STAG2: variants seen among roughly 807,000 people sequenced by gnomAD.
STAG2 encodes the protein cohesin subunit SA-2.
In STAG2, 14 loss-of-function variants were observed where a neutral mutation model predicts 108.1. The observed-to-expected ratio is 0.13, with a 90% CI of 0.09 to 0.20. The LOEUF is 0.20. Ranked by LOEUF, STAG2 falls within the 10% of genes least tolerant of loss-of-function variation. STAG2 has a pLI of 1.00. For synonymous variants in STAG2, 307 were observed against 302.7 expected (o/e 1.01, Z -0.15); for missense variants, 440 against 940.9 (o/e 0.47, Z 6.96).
chrX:123,972,632 G>A lies in STAG2; in HGVS notation c.-163+10776G>A, dbSNP rs140268997. Among the ~76,000 whole-genome samples the A allele has an allele frequency of 2.0e-3, 221 of 109,795 alleles. 1 individual carries two copies. Among genetic ancestry groups the A allele is most frequent in the African/African-American group, 6.8e-3 (207 of 30,291 alleles). On this transcript the variant is annotated intron_variant, in intron 1 of 34. Transcript: ENST00000371145. ...TTATGAGACAAGATATAGCTTGAAGGGGGACTGCATTTCTCACCAGATGAA... is the reference window on the plus strand; with the variant it reads ...TTATGAGACAAGATATAGCTTGAAGAGGGACTGCATTTCTCACCAGATGAA...
rs2058530428 is a variant in STAG2, at chrX:124,066,381, C to T, written c.2210C>T (p.Thr737Ile). 8.3e-7 allele frequency: 1 copy of T among 1,206,072 alleles called. No individual in the cohort carries two copies. The highest frequency in any genetic ancestry group is 2.2e-5 in the Admixed American group (1 of 45,493). ...EQIVIHALQC[T>I]HYVILWQLAK... The stretch of plus-strand genomic sequence containing the variant: ...ATTGTTATTCACGCACTGCAGTGTA[C>T]TCACTATGTAATCCTTTGGCAACTT... The change falls in exon 23 of 35, where the codon ACT (threonine) becomes ATT (isoleucine). Residue 737 changes from threonine to isoleucine, a missense_variant. Physicochemically the swap from Thr to Ile is moderately conservative, Grantham distance 89. Coordinates refer to ENST00000371145, the MANE Select transcript of STAG2 (RefSeq NM_001042750.2).
intron 1 of STAG2, among the ~76,000 whole-genome samples, chrX:124,020,400 C>T (rs1396726914): frequency 8.9e-6 from 1 of 112,089 alleles, no homozygotes; most frequent in African/African-American, 3.2e-5. Context: ...ATGACCTGAC[C>T]TGTTCATTAG....
At chrX:124,078,180 A>G (rs2058848373) in intron 27 of STAG2, 122 bp downstream of exon 27, 2 of 497,110 alleles carry the variant, frequency 4.0e-6, no homozygotes, top group African/African-American at 2.5e-5. Flanking sequence ...GAAATACAAG[A>G]AAGTATAAGT....
intron 15 of STAG2, among the ~76,000 whole-genome samples, chrX:124,058,207 G>T (rs1181168783): frequency 1.0e-5 from 1 of 100,006 alleles, no homozygotes; most frequent in Admixed American, 1.1e-4. Flanking sequence ...ACCCAGGCTG[G>T]AATACAGTGG....
At chrX:124,027,843 A>G (rs1000279609) in intron 4 of STAG2, among the ~76,000 whole-genome samples, 1 of 111,574 alleles carries the variant, frequency 9.0e-6, no homozygotes, top group Non-Finnish European at 1.9e-5. Context: ...GTCTTTATGT[A>G]GAAGTTTTTT....
chrX:124,100,076 C>G (rs939433519), intron 34 of STAG2, among the ~76,000 whole-genome samples: 1 of 111,768 alleles, frequency 8.9e-6, no homozygotes, highest in Non-Finnish European at 1.9e-5. Context: ...AAGAAAGCTT[C>G]TTGCTTTCTA....
At chrX:124,032,616 CTA>C (rs911534188) in intron 5 of STAG2, among the ~76,000 whole-genome samples, 3 of 110,832 alleles carry the variant, frequency 2.7e-5, no homozygotes, top group Non-Finnish European at 3.8e-5. Context: ...TCCGCAGTGT[CTA>C]TGTTTTCCAC....
At chrX:124,013,324 A>AACACACAC (rs71886288) in intron 1 of STAG2, among the ~76,000 whole-genome samples, 1 of 103,627 alleles carries the variant, frequency 9.6e-6, no homozygotes, top group East Asian at 3.0e-4. Context: ...CACACACACA[A>AACACACAC]ACACACACAC....
At chrX:124,024,283 C>G in intron 3 of STAG2, among the ~76,000 whole-genome samples, 1 of 111,406 alleles carries the variant, frequency 9.0e-6, no homozygotes, top group South Asian at 3.7e-4. Context: ...AGACTTAAAG[C>G]AGTTACTTAG....
intron 4 of STAG2, among the ~76,000 whole-genome samples, chrX:124,029,423 G>A (rs2057261200): frequency 9.0e-6 from 1 of 110,741 alleles, no homozygotes; most frequent in African/African-American, 3.3e-5. Flanking sequence ...CAATTTTCCT[G>A]CCTCAGCCTC....
intron 15 of STAG2, among the ~76,000 whole-genome samples, chrX:124,058,999 T>A (rs904338657): frequency 9.8e-5 from 11 of 111,724 alleles, no homozygotes; most frequent in African/African-American, 3.6e-4. Flanking sequence ...TTTTCTTGCC[T>A]TATTGAATTG....
At position 124,061,387 on chromosome X, in the gene STAG2, G is replaced by A. The variant is rs759852077; in HGVS notation, c.1534+46G>A. The A allele has an allele frequency of 4.1e-6, 4 of 969,047 alleles. No individual in the cohort carries two copies. The African/African-American group carries it at 5.7e-5, about 14-fold the overall frequency. 79.9% of individuals were successfully genotyped at this position (969,047 alleles called of 1,213,427 possible). A position where few individuals can be genotyped will look rare whatever the true frequency, so the allele number is the denominator to read the frequency against. ...TATTTTTGTTTAGACAGTTTTGTAA[G>A]TAGATTTTTACTCATTCCATTTATT... On this transcript the variant is annotated intron_variant, in intron 16 of 34. Transcript: ENST00000371145.
intron 1 of STAG2, among the ~76,000 whole-genome samples, chrX:123,966,416 C>T (rs187105133): frequency 1.4e-4 from 15 of 107,702 alleles, no homozygotes; most frequent in African/African-American, 4.4e-4. Context: ...GAGCTGAGAT[C>T]GCGCCACTGC....
intron 28 of STAG2, among the ~76,000 whole-genome samples, chrX:124,083,128 T>A (rs2059004541): frequency 8.9e-6 from 1 of 111,796 alleles, no homozygotes; most frequent in African/African-American, 3.3e-5. Flanking sequence ...TTATTTTCTA[T>A]GGAAAAAAGT....
chrX:123,998,834 A>C (rs989857180), intron 1 of STAG2, among the ~76,000 whole-genome samples: 4 of 111,830 alleles, frequency 3.6e-5, no homozygotes, highest in Non-Finnish European at 7.5e-5. Flanking sequence ...AGAAAGCAAA[A>C]CCAGGCCGGA....
intron 27 of STAG2, among the ~76,000 whole-genome samples, chrX:124,078,982 A>C (rs2058876195): frequency 9.2e-6 from 1 of 108,938 alleles, no homozygotes; most frequent in African/African-American, 3.3e-5. Flanking sequence ...ACAAACAAAC[A>C]AAAAAACCAA....
rs755536280 is a variant in STAG2 at position 124,063,888 on chromosome X, A to G, written c.1862A>G (p.Glu621Gly). The part of the protein sequence containing the change: ...ALLRQIRNIV[E>G]KHTDTDVLEA... ...TTGCGACAGATCCGGAATATTGTAG[A>G]GAAGCACACAGATACAGATGTTTTG... The change falls in exon 20 of 35, where the codon GAG becomes GGG. Residue 621 changes from glutamate (E) to glycine (G), a missense_variant. This residue lies in a region of STAG2 where 337 missense variants were observed against 649.3 expected (regional missense o/e 0.52). Coordinates refer to ENST00000371145, the MANE Select transcript of STAG2 (RefSeq NM_001042750.2). 1 of 1,210,933 alleles carries G rather than the reference A, an allele frequency of 8.3e-7. No homozygotes were observed. Among genetic ancestry groups the G allele is most frequent in the South Asian group, 1.8e-5 (1 of 56,929 alleles).
At chrX:124,040,811 T>C (rs1285800197) in intron 6 of STAG2, among the ~76,000 whole-genome samples, 1 of 107,480 alleles carries the variant, frequency 9.3e-6, no homozygotes, top group East Asian at 2.9e-4. Flanking sequence ...AACAAAAGCC[T>C]TTCAAAAGGT....
chrX:124,010,045 T>C (rs1211511060), intron 1 of STAG2, among the ~76,000 whole-genome samples: 2 of 111,644 alleles, frequency 1.8e-5, no homozygotes, highest in Non-Finnish European at 3.8e-5. Context: ...AAAGGTGTTC[T>C]TAAATGATCG....
Sources: gnomAD v4.1 joint callset for allele counts (sites outside exome capture counted in the v4.1 genomes callset) on GRCh38, gnomAD v4.1.1 for gene constraint, gnomAD v4.1.1 regional missense constraint, MANE v1.5 for transcripts, NCBI Gene and HGNC (gene_info 2026-07-23, HGNC 2026-07-21) for gene names.